The following HADHB variants were observed in gnomAD, a reference collection of about 807,000 sequenced individuals.
The protein encoded by HADHB is trifunctional enzyme subunit beta, mitochondrial.
HADHB carries 50 observed loss-of-function variants against 61.9 expected under a neutral mutation model. That is an observed-to-expected ratio of 0.81 (90% CI 0.64 to 1.02). The LOEUF (loss-of-function observed/expected upper bound fraction) is 1.02, where lower values mean the gene tolerates loss of function less well. HADHB is among the 50% of genes least tolerant of loss of function. The pLI is 0.00. For missense variants in HADHB, 504 were observed against 586.5 expected, an observed-to-expected ratio of 0.86 and a Z score of 1.45; for synonymous variants, 191 against 201.6, an observed-to-expected ratio of 0.95 and a Z score of 0.45.
At chr2:26,260,947 T>G (rs1332521608) in intron 3 of HADHB, 8 of 1,040,960 alleles carry the variant, frequency 7.7e-6, no homozygotes, top group Non-Finnish European at 8.6e-6. Context: ...TAGCTTCAAC[T>G]AATTGGCATT....
At position 26,254,286 on chromosome 2, in the gene HADHB, T is replaced by C. The variant is rs973465081; in HGVS notation, c.32T>C (p.Leu11Pro). 2 of 1,531,674 alleles carry C rather than the reference T, an allele frequency of 1.3e-6. No individual in the cohort carries two copies. The highest frequency in any genetic ancestry group is 2.7e-5 in the African/African-American group (2 of 73,522). 94.9% of individuals were successfully genotyped at this position (1,531,674 alleles called of 1,614,324 possible). Residue 11 changes from leucine (L) to proline (P), a missense_variant, in exon 2 of 16, where the codon CTT (leucine) becomes CCT (proline). Transcript: ENST00000317799. Reference sequence around the variant, plus strand: ...ATCTTGACTTACCCCTTTAAAAATCTTCCCACTGCATCAAAATGGGCCCTC... The same window carrying C: ...ATCTTGACTTACCCCTTTAAAAATCCTCCCACTGCATCAAAATGGGCCCTC... MTILTYPFKNLPTASKWALRF... is the reference protein window; with the variant it reads MTILTYPFKNPPTASKWALRF...
intron 1 of HADHB, among the ~76,000 whole-genome samples, chr2:26,250,184 A>G (rs1671344659): frequency 6.6e-6 from 1 of 152,024 alleles, no homozygotes; most frequent in Non-Finnish European, 1.5e-5. Context: ...TTGTATTTTT[A>G]TTAGAGATGG....
At chr2:26,271,942 T>C (rs1329219407) in intron 5 of HADHB, among the ~76,000 whole-genome samples, 1 of 152,176 alleles carries the variant, frequency 6.6e-6, no homozygotes, top group African/African-American at 2.4e-5. Context: ...TTTTTTTCTG[T>C]ATGGAGTCTC....
intron 4 of HADHB, among the ~76,000 whole-genome samples, chr2:26,265,990 C>T (rs892938569): frequency 6.6e-6 from 1 of 151,018 alleles, no homozygotes; most frequent in African/African-American, 2.4e-5. Context: ...CATTCAAGGC[C>T]AGGAGTTTGA....
At chr2:26,280,678 C>A (rs1195743165) in intron 10 of HADHB, among the ~76,000 whole-genome samples, 1 of 151,888 alleles carries the variant, frequency 6.6e-6, no homozygotes. Context: ...CATGGAGAAA[C>A]CCCGTCTCTA....
At chr2:26,247,471 A>C (rs1023791419) in intron 1 of HADHB, among the ~76,000 whole-genome samples, 1 of 152,210 alleles carries the variant, frequency 6.6e-6, no homozygotes. Context: ...CACCACCCGG[A>C]GATAACTACT....
intron 3 of HADHB, chr2:26,261,219 C>T: frequency 2.1e-6 from 1 of 476,038 alleles, no homozygotes; most frequent in East Asian, 3.1e-5. Context: ...AATACCCCCC[C>T]CCCATCCAGA....
intron 5 of HADHB, among the ~76,000 whole-genome samples, chr2:26,272,553 T>C (rs1027249515): frequency 6.6e-6 from 1 of 151,842 alleles, no homozygotes; most frequent in African/African-American, 2.4e-5. Flanking sequence ...TTTGCTGTGT[T>C]AGCCAGGCTG....
chr2:26,290,033 AT>A lies in HADHB; in HGVS notation c.*83del, dbSNP rs1482029894. 1.1e-6 allele frequency: 1 copy of A among 938,168 alleles called. No individual in the cohort carries two copies. The highest frequency in any genetic ancestry group is 1.8e-6 in the Non-Finnish European group (1 of 564,734). The allele number at this position is 938,168 out of a possible 1,614,324, so 58.1% of individuals were successfully genotyped here. On this transcript the variant is annotated 3_prime_UTR_variant, in exon 16 of 16. Coordinates refer to ENST00000317799, the MANE Select transcript of HADHB (RefSeq NM_000183.3). ...CCATTTCAATGCATTACTAAATGAC[AT>A]TTGTAGTTCCTAGCTCCTCTTAGGA...
At chr2:26,279,860 A>G in intron 9 of HADHB, 134 bp from the exon 10 acceptor site, 1 of 684,296 alleles carries the variant, frequency 1.5e-6, no homozygotes, top group Non-Finnish European at 2.5e-6. Flanking sequence ...TGATAATTAT[A>G]AAACACTTTC....
chr2:26,281,754 A>G (rs1672798753), intron 10 of HADHB, among the ~76,000 whole-genome samples: 1 of 152,176 alleles, frequency 6.6e-6, no homozygotes, highest in Admixed American at 6.5e-5. Context: ...ATGGTCACCT[A>G]TGTCTCCAGA....
intron 3 of HADHB, among the ~76,000 whole-genome samples, chr2:26,259,939 GC>G (rs1232613168): frequency 6.6e-6 from 1 of 152,180 alleles, no homozygotes; most frequent in African/African-American, 2.4e-5. Context: ...AGGACTGGGG[GC>G]TGGCTCATCT....
At chr2:26,272,111 T>C (rs1387982142) in intron 5 of HADHB, among the ~76,000 whole-genome samples, 1 of 152,154 alleles carries the variant, frequency 6.6e-6, no homozygotes, top group Non-Finnish European at 1.5e-5. Flanking sequence ...TTTTTATTTA[T>C]TTATTTCATT....
intron 10 of HADHB, among the ~76,000 whole-genome samples, chr2:26,281,550 C>T (rs1397693369): frequency 6.6e-6 from 1 of 152,096 alleles, no homozygotes; most frequent in Non-Finnish European, 1.5e-5. Context: ...AGATCTGAAT[C>T]CTTTTGATTA....
chr2:26,279,549 G>A (rs914245587), intron 9 of HADHB, among the ~76,000 whole-genome samples: 2 of 151,844 alleles, frequency 1.3e-5, no homozygotes, highest in Non-Finnish European at 2.9e-5. Context: ...AGCACTTTGG[G>A]AGGCTGAGGC....
chr2:26,247,556 T>G (rs1406684108), intron 1 of HADHB, among the ~76,000 whole-genome samples: 1 of 152,218 alleles, frequency 6.6e-6, no homozygotes, highest in African/African-American at 2.4e-5. Context: ...ATATAAGATA[T>G]TGATGTACAG....
chr2:26,248,805 C>T (rs1041330793), intron 1 of HADHB, among the ~76,000 whole-genome samples: 17 of 152,148 alleles, frequency 1.1e-4, no homozygotes, highest in African/African-American at 4.1e-4. Flanking sequence ...GCCTGTAATC[C>T]CAGCACTTTG....
At chr2:26,261,219 C>CG (rs988318045) in intron 3 of HADHB, 249 of 476,032 alleles carry the variant, frequency 5.2e-4, no homozygotes, top group African/African-American at 4.5e-3. Context: ...AATACCCCCC[C>CG]CCCATCCAGA....
At chr2:26,289,127 G>A (rs779512547) in intron 15 of HADHB, among the ~76,000 whole-genome samples, 1 of 152,132 alleles carries the variant, frequency 6.6e-6, no homozygotes, top group Non-Finnish European at 1.5e-5. Flanking sequence ...GCGGGCGCCT[G>A]TAGTCCCAGC....
Sources: gnomAD v4.1 joint callset for allele counts (sites outside exome capture counted in the v4.1 genomes callset) on GRCh38, gnomAD v4.1.1 for gene constraint, MANE v1.5 for transcripts, NCBI Gene and HGNC (gene_info 2026-07-23, HGNC 2026-07-21) for gene names.